Variants in WIPI2 observed in about 807,000 individuals in gnomAD.
WIPI2 encodes the protein WD repeat domain phosphoinositide-interacting protein 2.
A neutral mutation model predicts 52.3 loss-of-function variants in WIPI2; 28 were observed. The ratio of observed to expected loss-of-function variants is 0.54; its 90% CI spans 0.40 to 0.73. WIPI2 has a LOEUF of 0.73. Among genes scored for constraint, WIPI2 ranks in the 30% least tolerant of loss-of-function variants. WIPI2 has a pLI of 0.00. For missense variants in WIPI2, 506 were observed against 602.9 expected (o/e 0.84, Z 1.68); for synonymous variants, 268 against 245.0 (o/e 1.09, Z -0.88).
In WIPI2 at chr7:5,217,572, C is replaced by T. The variant is rs1418712373; in HGVS notation, c.577-350C>T. 2.2e-5 allele frequency: 9 copies of T among 405,846 alleles called. No homozygotes were observed. In the East Asian group the frequency reaches 4.9e-4, roughly 22 times the overall value. The allele number at this position is 405,846 out of a possible 1,614,324, so 25.1% of individuals were successfully genotyped here. A position where few individuals can be genotyped will look rare whatever the true frequency, so the allele number is the denominator to read the frequency against. On this transcript the variant is annotated intron_variant, in intron 6 of 12. Coordinates refer to ENST00000288828, the MANE Select transcript of WIPI2 (RefSeq NM_015610.4). ...TCGGCCCCCTAAAGTGCTGGGACTA[C>T]AGGCGGGTGCCCCGCGCCCAGCCCC... is the stretch of plus-strand genomic sequence containing the variant.
In WIPI2 at chr7:5,190,559, C is replaced by T. The variant is rs1322679919; in HGVS notation, c.74+66C>T. On this transcript the variant is annotated intron_variant, in intron 1 of 12. Transcript: ENST00000288828. Reference sequence around the variant, plus strand: ...GGTCGGACCCGGGCTAGGGGGAGGGCCTCGCTGCCAAGCTCGGCGGCGTCG... The same window carrying T: ...GGTCGGACCCGGGCTAGGGGGAGGGTCTCGCTGCCAAGCTCGGCGGCGTCG... 5 of 1,336,512 alleles carry T rather than the reference C, an allele frequency of 3.7e-6. No homozygotes were observed. In the African/African-American group the frequency reaches 4.6e-5, roughly 12 times the overall value. 82.8% of individuals were successfully genotyped at this position (1,336,512 alleles called of 1,614,324 possible). A position where few individuals can be genotyped will look rare whatever the true frequency, so the allele number is the denominator to read the frequency against.
At position 5,222,606 on chromosome 7, in the gene WIPI2, C is replaced by T; in HGVS notation, c.674C>T (p.Thr225Ile). Residue 225 changes from threonine (T) to isoleucine (I), a missense_variant, in exon 8 of 13, where the codon ACC becomes ATC. Thr to Ile is a moderately conservative substitution (Grantham distance 89). This residue lies in a region of WIPI2 where 237 missense variants were observed against 346.9 expected (regional missense o/e 0.68). Transcript: ENST00000288828. ...TTTTCTCTTTTCCTTCCACAGGGGACCGTGATTAGGGTATTTTCCATTCCA... is the reference window on the plus strand; with the variant it reads ...TTTTCTCTTTTCCTTCCACAGGGGATCGTGATTAGGGTATTTTCCATTCCA... ...TKLATASEKG[T>I]VIRVFSIPEG... 6.2e-7 allele frequency: 1 copy of T among 1,613,868 alleles called. No individual in the cohort carries two copies. The highest frequency in any genetic ancestry group is 8.5e-7 in the Non-Finnish European group (1 of 1,179,866).
chr7:5,233,734 T>C lies in WIPI2; in HGVS notation c.*2787T>C, dbSNP rs1024429667. The C allele has an allele frequency of 6.6e-6, 1 of 152,226 alleles. No individual in the cohort carries two copies. The highest frequency in any genetic ancestry group is 6.5e-5 in the Admixed American group (1 of 15,268). The allele number at this position is 152,226 out of a possible 1,614,324, so 9.4% of individuals were successfully genotyped here. ...ACTCATCCCTACCTCACAGGGCTGT[T>C]GTGAGGTGTTGTGTGACTGCGTGTC... On this transcript the variant is annotated 3_prime_UTR_variant, in exon 13 of 13. Coordinates refer to ENST00000288828, the MANE Select transcript of WIPI2 (RefSeq NM_015610.4).
chr7:5,206,950 C>T (rs1044582949), intron 3 of WIPI2, among the ~76,000 whole-genome samples: 3 of 151,984 alleles, frequency 2.0e-5, no homozygotes, highest in Admixed American at 6.6e-5. Context: ...GCTAATTTTT[C>T]GATTTTTTTG....
rs987601847 is a variant in WIPI2, at chr7:5,219,076, C to T, written c.669+1062C>T. On this transcript the variant is annotated intron_variant, in intron 7 of 12. Coordinates refer to ENST00000288828, the MANE Select transcript of WIPI2 (RefSeq NM_015610.4). ...TGTTCTTCAGTCTCACACCCGAGTT[C>T]TGTAATAATGATGTCACCGCTTATG... 169 of 152,204 alleles carry T rather than the reference C, an allele frequency of 1.1e-3. 13 individuals are homozygous for T. Among genetic ancestry groups the T allele is most frequent in the Non-Finnish European group, 1.5e-5 (1 of 68,044 alleles). 9.4% of individuals were successfully genotyped at this position (152,204 alleles called of 1,614,324 possible).
At chr7:5,228,345 C>T (rs1050257391) in intron 11 of WIPI2, 134 bp downstream of exon 11, 27 of 831,300 alleles carry the variant, frequency 3.2e-5, no homozygotes, top group Middle Eastern at 3.6e-4. Context: ...CGGCCCATGC[C>T]GCGCAGGTCG....
Position 5,217,917 on chromosome 7 carries a change from T to C in WIPI2, c.577-5T>C. ...GGCCACTCTTTATTGGTGTCCCTTTTTCAGAGAGCTGCAAACATGATTCCG... is the reference window on the plus strand; with the variant it reads ...GGCCACTCTTTATTGGTGTCCCTTTCTCAGAGAGCTGCAAACATGATTCCG... On this transcript the variant is annotated splice_region_variant and splice_polypyrimidine_tract_variant and intron_variant, in intron 6 of 12. Coordinates refer to ENST00000288828, the MANE Select transcript of WIPI2 (RefSeq NM_015610.4). The C allele has an allele frequency of 6.2e-7, 1 of 1,614,170 alleles. No homozygotes were observed.
Position 5,217,543 on chromosome 7 carries a change from C to T in WIPI2, c.576+356C>T, listed in dbSNP as rs138068982. The T allele has an allele frequency of 8.6e-3, 3,368 of 391,814 alleles. 19 individuals carry two copies. Among genetic ancestry groups the T allele is most frequent in the Non-Finnish European group, 0.011 (2,332 of 207,500 alleles). The allele number at this position is 391,814 out of a possible 1,614,324, so 24.3% of individuals were successfully genotyped here. On this transcript the variant is annotated intron_variant, in intron 6 of 12. Transcript: ENST00000288828. ...AACTCCTGGCCTTAAGCCATCCTCC[C>T]GCCTCGGCCCCCTAAAGTGCTGGGA...
chr7:5,219,819 G>C (rs937636716), intron 7 of WIPI2, among the ~76,000 whole-genome samples: 1 of 151,812 alleles, frequency 6.6e-6, no homozygotes, highest in African/African-American at 2.4e-5. Context: ...AGAGAACCAA[G>C]TGTTCTCAAG....
intron 6 of WIPI2, 37 bp from the exon 7 acceptor site, chr7:5,217,885 G>C: frequency 6.2e-7 from 1 of 1,609,734 alleles, no homozygotes; most frequent in South Asian, 1.1e-5. Context: ...GGCGGTCACT[G>C]TGCGGTGGCC....
intron 1 of WIPI2, among the ~76,000 whole-genome samples, 164 bp from the exon 2 acceptor site, chr7:5,192,954 C>A (rs895246577): frequency 3.3e-5 from 5 of 151,986 alleles, no homozygotes; most frequent in Admixed American, 6.6e-5. Context: ...CTTTTAAATT[C>A]TTTTTGTATT....
rs956360563 is a variant in WIPI2, at chr7:5,199,083, G to A, written c.129-493G>A. The stretch of plus-strand genomic sequence containing the variant: ...CTCCCAGGCTGGAGTGCAGTAGCAG[G>A]ATCAATCTTAGCTCACTGCAGCCTC... On this transcript the variant is annotated intron_variant, in intron 2 of 12. Transcript: ENST00000288828. 3.3e-5 allele frequency among the ~76,000 whole-genome samples: 5 copies of A among 152,254 alleles called. No individual in the cohort carries two copies. In the South Asian group the frequency reaches 8.3e-4, roughly 25 times the overall value.
rs751140993 is a variant in WIPI2, at chr7:5,230,895, T to C, written c.1313T>C (p.Leu438Pro). Reference protein sequence around the residue: ...GACLEDEASALRLDEDSEHPP... With the variant: ...GACLEDEASAPRLDEDSEHPP... ...TGCCTGGAGGACGAGGCCAGCGCCC[T>C]GCGCCTGGATGAGGACAGCGAGCAC... The change falls in exon 13 of 13, where the codon CTG becomes CCG. Residue 438 changes from leucine (L) to proline (P), a missense_variant. Transcript: ENST00000288828. The surrounding 1 kb of genome is among the most constrained non-coding windows in gnomAD (Gnocchi z 4.8). 7 of 1,613,740 alleles carry C rather than the reference T, an allele frequency of 4.3e-6. No homozygotes were observed. The South Asian group carries it at 6.6e-5, about 15-fold the overall frequency.
chr7:5,197,618 T>A (rs1781814894), intron 2 of WIPI2, among the ~76,000 whole-genome samples: 1 of 152,242 alleles, frequency 6.6e-6, no homozygotes, highest in Non-Finnish European at 1.5e-5. Flanking sequence ...AATGTGATTT[T>A]ACAGATTAAT....
intron 2 of WIPI2, among the ~76,000 whole-genome samples, chr7:5,197,089 A>G (rs578003880): frequency 3.3e-5 from 4 of 123,016 alleles, no homozygotes; most frequent in South Asian, 3.0e-4. Flanking sequence ...TCCAGCCTGC[A>G]TGACAGAGCG....
rs764581414 is a variant in WIPI2 at position 5,227,368 on chromosome 7, C to A, written c.1013+24C>A. 8.7e-6 allele frequency: 14 copies of A among 1,607,938 alleles called. No homozygotes were observed. The Middle Eastern group carries it at 5.0e-4, about 58-fold the overall frequency. ...ACGTGAGTAGAGCCGGCGCCTCCGT[C>A]CCCCACCCCGTGTGCCTCAGGCCGA... is the stretch of plus-strand genomic sequence containing the variant. On this transcript the variant is annotated intron_variant, in intron 10 of 12. Coordinates refer to ENST00000288828, the MANE Select transcript of WIPI2 (RefSeq NM_015610.4). The surrounding 1 kb of genome is among the most constrained non-coding windows in gnomAD (Gnocchi z 8.1).
intron 7 of WIPI2, among the ~76,000 whole-genome samples, chr7:5,222,192 G>A (rs1783176611): frequency 6.6e-6 from 1 of 152,142 alleles, no homozygotes. Flanking sequence ...CTGATGATCT[G>A]CCCGCCTCGG....
Position 5,217,178 on chromosome 7 carries a change from C to T in WIPI2, c.567C>T (p.Thr189=). ...TCGGAGAGGTGCAGGTCTTCGATAC[C>T]ATTAATTTGGTGAGATGCCTTTCCT... ...ATIGEVQVFD[T]INLRAANMIP... Residue 189 remains threonine, a synonymous_variant, in exon 6 of 13, where the codon ACC becomes ACT. Coordinates refer to ENST00000288828, the MANE Select transcript of WIPI2 (RefSeq NM_015610.4). 6.2e-7 allele frequency: 1 copy of T among 1,614,120 alleles called. No homozygotes were observed. The highest frequency in any genetic ancestry group is 1.1e-5 in the South Asian group (1 of 91,072).
intron 3 of WIPI2, among the ~76,000 whole-genome samples, chr7:5,210,789 G>T (rs950158677): frequency 2.0e-5 from 3 of 152,180 alleles, no homozygotes; most frequent in African/African-American, 7.2e-5. Context: ...GGGAAGGATT[G>T]GTAGGTGGCC....
Sources: gnomAD v4.1 joint callset for allele counts (sites outside exome capture counted in the v4.1 genomes callset) on GRCh38, gnomAD v4.1.1 for gene constraint, gnomAD v4.1.1 regional missense constraint, Gnocchi (gnomAD v3.1) non-coding constraint, MANE v1.5 for transcripts, NCBI Gene and HGNC (gene_info 2026-07-23, HGNC 2026-07-21) for gene names.